The following IFT80 variants were observed in gnomAD, a reference collection of about 807,000 sequenced individuals.
The protein encoded by IFT80 is intraflagellar transport 80.
In IFT80, 79 loss-of-function variants were observed where a neutral mutation model predicts 107.9. The ratio of observed to expected loss-of-function variants is 0.73; its 90% CI spans 0.61 to 0.88. The LOEUF is 0.88. Among genes scored for constraint, IFT80 ranks in the 40% least tolerant of loss-of-function variants. IFT80 has a pLI of 0.00. For missense variants in IFT80, 797 were observed against 914.2 expected (o/e 0.87, Z 1.65); for synonymous variants, 299 against 300.9 (o/e 0.99, Z 0.07).
intron 18 of IFT80, among the ~76,000 whole-genome samples, chr3:160,269,842 T>A (rs572742233): frequency 1.3e-5 from 2 of 152,342 alleles, no homozygotes; most frequent in South Asian, 4.1e-4. Flanking sequence ...GTTCTCTTGC[T>A]TTCTAATATG....
At chr3:160,345,961 T>C (rs115903752) in intron 8 of IFT80, among the ~76,000 whole-genome samples, 2,185 of 152,258 alleles carry the variant, frequency 0.014, 51 homozygotes, top group African/African-American at 0.046. Flanking sequence ...TTCTGTGATA[T>C]GATTATTATA....
At chr3:160,295,644 G>A (rs953083462) in intron 12 of IFT80, among the ~76,000 whole-genome samples, 1 of 152,010 alleles carries the variant, frequency 6.6e-6, no homozygotes, top group African/African-American at 2.4e-5. Context: ...TCCCACATCT[G>A]AGTGTTTATC....
chr3:160,273,657 A>C (rs1433307401), intron 18 of IFT80, among the ~76,000 whole-genome samples: 2 of 152,206 alleles, frequency 1.3e-5, no homozygotes, highest in African/African-American at 2.4e-5. Flanking sequence ...AAAATGTGAG[A>C]TATCTAATGG....
At chr3:160,307,603 A>G (rs1482807478) in intron 10 of IFT80, 60 bp downstream of exon 10, 3 of 941,148 alleles carry the variant, frequency 3.2e-6, no homozygotes, top group Non-Finnish European at 5.2e-6. Context: ...AATCCTGAAA[A>G]TAAACTCCTC....
chr3:160,328,235 G>A (rs1488838823), intron 8 of IFT80, among the ~76,000 whole-genome samples: 2 of 152,052 alleles, frequency 1.3e-5, no homozygotes, highest in Non-Finnish European at 2.9e-5. Flanking sequence ...CCTGAGGCGG[G>A]TGGATCACTT....
rs1718070872 is a variant in IFT80 at position 160,319,770 on chromosome 3, C to T, written c.947G>A (p.Arg316Lys). The T allele has an allele frequency of 5.0e-6, 8 of 1,612,726 alleles. No homozygotes were observed. The highest frequency in any genetic ancestry group is 6.8e-6 in the Non-Finnish European group (8 of 1,179,084). ...GGAACATAATAATACCTGCATGGCT[C>T]TTCTTTTCGTTAATGTTACTTGAAA... ...KNFQVTLTKR[R>K]AMQVRNVLND... Residue 316 changes from arginine (R) to lysine (K), a missense_variant, in exon 9 of 20, where the codon AGA (arginine) becomes AAA (lysine). Arg to Lys is a conservative substitution (Grantham distance 26). Transcript: ENST00000326448.
At chr3:160,289,523 AG>A (rs1163831163) in intron 12 of IFT80, among the ~76,000 whole-genome samples, 3 of 152,170 alleles carry the variant, frequency 2.0e-5, no homozygotes, top group African/African-American at 4.8e-5. Flanking sequence ...GTAAAATGAA[AG>A]GGAAAGAGAA....
chr3:160,275,096 C>T (rs1348345714), intron 18 of IFT80, among the ~76,000 whole-genome samples: 1 of 152,184 alleles, frequency 6.6e-6, no homozygotes, highest in Non-Finnish European at 1.5e-5. Context: ...AATATCTAAA[C>T]TTCTGGAGTT....
intron 10 of IFT80, among the ~76,000 whole-genome samples, chr3:160,306,547 C>T (rs548497249): frequency 1.3e-5 from 2 of 152,008 alleles, no homozygotes; most frequent in Non-Finnish European, 2.9e-5. Flanking sequence ...TTTGAATCTT[C>T]CCAAATTCTT....
At chr3:160,314,571 A>T (rs974198603) in intron 9 of IFT80, among the ~76,000 whole-genome samples, 1 of 152,150 alleles carries the variant, frequency 6.6e-6, no homozygotes, top group Admixed American at 6.6e-5. Flanking sequence ...ACTCAACATG[A>T]TCTCTGGTTT....
intron 19 of IFT80, among the ~76,000 whole-genome samples, chr3:160,264,093 C>T (rs544612966): frequency 6.7e-4 from 100 of 148,292 alleles, no homozygotes; most frequent in African/African-American, 2.3e-3. Flanking sequence ...TGAGCCACTG[C>T]GCATAGCCAG....
intron 6 of IFT80, 27 bp downstream of exon 6, chr3:160,366,016 A>G (rs1721836237): frequency 1.3e-6 from 2 of 1,558,384 alleles, no homozygotes; most frequent in East Asian, 4.5e-5. Context: ...AGACCCTGAT[A>G]ACAATTTACA....
chr3:160,375,973 G>A (rs575387093), intron 4 of IFT80, 93 bp from the exon 5 acceptor site: 130 of 780,108 alleles, frequency 1.7e-4, no homozygotes, highest in African/African-American at 1.4e-3. Flanking sequence ...AGTATCTACC[G>A]CATATTCTTT....
intron 8 of IFT80, among the ~76,000 whole-genome samples, chr3:160,330,078 G>A (rs1410556551): frequency 2.0e-5 from 3 of 152,194 alleles, no homozygotes; most frequent in African/African-American, 7.2e-5. Flanking sequence ...GGAGAGGAGA[G>A]ACAGGAAGCT....
chr3:160,366,197 T>C, intron 5 of IFT80, 45 bp from the exon 6 acceptor site: 3 of 1,302,414 alleles, frequency 2.3e-6, no homozygotes, highest in Non-Finnish European at 3.3e-6. Context: ...AAACTTTAAT[T>C]ATTATGCCTT....
At chr3:160,302,596 T>C (rs1474914943) in intron 11 of IFT80, among the ~76,000 whole-genome samples, 1 of 152,090 alleles carries the variant, frequency 6.6e-6, no homozygotes, top group African/African-American at 2.4e-5. Flanking sequence ...ATTTATGCCA[T>C]TAATATATGT....
chr3:160,377,682 G>T, intron 3 of IFT80, 142 bp from the exon 4 acceptor site: 1 of 476,312 alleles, frequency 2.1e-6, no homozygotes, highest in Non-Finnish European at 3.7e-6. Context: ...TAAATCTATT[G>T]GAAAATAGGC....
intron 12 of IFT80, among the ~76,000 whole-genome samples, chr3:160,296,001 G>A (rs1172175161): frequency 6.6e-6 from 1 of 152,100 alleles, no homozygotes; most frequent in African/African-American, 2.4e-5. Flanking sequence ...CAGGGAGGGG[G>A]AAATGGGGAG....
At chr3:160,340,607 G>A (rs964153009) in intron 8 of IFT80, among the ~76,000 whole-genome samples, 16 of 152,090 alleles carry the variant, frequency 1.1e-4, no homozygotes, top group African/African-American at 3.1e-4. Context: ...TGCATTCCTC[G>A]GCTTGTGGTC....
Sources: gnomAD v4.1 joint callset for allele counts (sites outside exome capture counted in the v4.1 genomes callset) on GRCh38, gnomAD v4.1.1 for gene constraint, MANE v1.5 for transcripts, NCBI Gene and HGNC (gene_info 2026-07-23, HGNC 2026-07-21) for gene names.